TRRAP: variants seen among roughly 807,000 people sequenced by gnomAD.
TRRAP encodes transformation/transcription domain associated protein.
In TRRAP, 41 loss-of-function variants were observed where a neutral mutation model predicts 438.8. That is an observed-to-expected ratio of 0.09 (90% confidence interval 0.07 to 0.12). The LOEUF (loss-of-function observed/expected upper bound fraction) is 0.12. TRRAP is among the 10% of genes least tolerant of loss of function. TRRAP has a pLI of 1.00. For synonymous variants in TRRAP, 1,994 were observed against 1,962.9 expected, an observed-to-expected ratio of 1.02 and a Z score of -0.42; for missense variants, 3,122 against 5,055.1, an observed-to-expected ratio of 0.62 and a Z score of 11.60.
At chr7:98,981,373 G>A (rs1324113394) in intron 58 of TRRAP, among the ~76,000 whole-genome samples, 1 of 152,224 alleles carries the variant, frequency 6.6e-6, no homozygotes, top group African/African-American at 2.4e-5. Context: ...CTGCTCTGCA[G>A]GCTGGGCAAC....
In TRRAP at chr7:98,910,592, T is replaced by G; in HGVS notation, c.1797T>G (p.Ala599=). ...YIKLVKYAMQ[A]LDIYQVQIAG... ...AACTTGTGAAATATGCAATGCAAGC[T>G]TTAGATATTTATCAGGTAAGGAAGT... The change falls in exon 16 of 73, where the codon GCT becomes GCG. Residue 599 remains alanine (A), a synonymous_variant. Coordinates refer to ENST00000456197, the MANE Select transcript of TRRAP (RefSeq NM_001375524.1). The G allele has an allele frequency of 6.2e-7, 1 of 1,613,234 alleles. No homozygotes were observed. The highest frequency in any genetic ancestry group is 8.5e-7 in the Non-Finnish European group (1 of 1,179,688).
chr7:98,995,728 C>A (rs1016836406), intron 67 of TRRAP, among the ~76,000 whole-genome samples: 2 of 150,668 alleles, frequency 1.3e-5, no homozygotes, highest in Non-Finnish European at 3.0e-5. Context: ...ATCTACGCAC[C>A]CACGTCCCGT....
intron 19 of TRRAP, among the ~76,000 whole-genome samples, chr7:98,916,488 G>A (rs2116441191): frequency 6.6e-6 from 1 of 152,316 alleles, no homozygotes; most frequent in Middle Eastern, 3.4e-3. Flanking sequence ...TGAGCTCTTG[G>A]CAAGGGATTG....
At chr7:98,928,894 C>T (rs1437515993) in intron 23 of TRRAP, among the ~76,000 whole-genome samples, 1 of 151,636 alleles carries the variant, frequency 6.6e-6, no homozygotes, top group Non-Finnish European at 1.5e-5. Context: ...CTGCCTCATC[C>T]TCTTGAGTAG....
intron 22 of TRRAP, among the ~76,000 whole-genome samples, chr7:98,925,567 T>G (rs1304975966): frequency 2.6e-5 from 4 of 152,230 alleles, no homozygotes; most frequent in Non-Finnish European, 5.9e-5. Context: ...TGTCTCACCA[T>G]TCTGTCCACA....
chr7:98,988,882 G>A lies in TRRAP; in HGVS notation c.9507G>A (p.Leu3169=). 2 of 1,614,150 alleles carry A rather than the reference G, an allele frequency of 1.2e-6. No individual in the cohort carries two copies. The highest frequency in any genetic ancestry group is 1.7e-6 in the Non-Finnish European group (2 of 1,180,020). Residue 3169 remains leucine (L), a synonymous_variant, in exon 63 of 73, where the codon CTG becomes CTA. Coordinates refer to ENST00000456197, the MANE Select transcript of TRRAP (RefSeq NM_001375524.1). ...ACATCTTTGTGAAGGAGCGGCAGCT[G>A]CACCTGGGCGTGTCTGCCATCACCT... ...LENIFVKERQ[L]HLGVSAITCY...
chr7:98,897,703 TGAC>T, intron 7 of TRRAP, 35 bp from the exon 8 acceptor site: 3 of 1,591,092 alleles, frequency 1.9e-6, no homozygotes, highest in Non-Finnish European at 2.6e-6. Context: ...ATATTGGGTT[TGAC>T]TTTAGGAAAA....
chr7:98,894,579 T>G (rs979477403), intron 6 of TRRAP, among the ~76,000 whole-genome samples: 7 of 151,384 alleles, frequency 4.6e-5, no homozygotes, highest in Non-Finnish European at 7.4e-5. Context: ...CAGGATTTTA[T>G]GTCTTGGTGA....
chr7:98,966,862 C>A (rs1792181728), intron 49 of TRRAP, among the ~76,000 whole-genome samples, 179 bp from the exon 50 acceptor site: 1 of 151,972 alleles, frequency 6.6e-6, no homozygotes, highest in Admixed American at 6.5e-5. Flanking sequence ...AGTTGTAGCC[C>A]CTACGAAAAT....
At position 98,994,454 on chromosome 7, in the gene TRRAP, CTG is replaced by C; in HGVS notation, c.10048-126_10048-125del. 7.7e-7 allele frequency: 1 copy of C among 1,297,244 alleles called. No individual in the cohort carries two copies. The highest frequency in any genetic ancestry group is 1.1e-6 in the Non-Finnish European group (1 of 933,202). The allele number at this position is 1,297,244 out of a possible 1,614,324, so 80.4% of individuals were successfully genotyped here. A position where few individuals can be genotyped will look rare whatever the true frequency, so the allele number is the denominator to read the frequency against. Reference sequence around the variant, plus strand: ...CTTGCACACGCCGATTTCATGCCTGCTGTGTGTGGGTCCTGCCGGGGAGTGCA... The same window carrying C: ...CTTGCACACGCCGATTTCATGCCTGCTGTGTGGGTCCTGCCGGGGAGTGCA... On this transcript the variant is annotated intron_variant, in intron 66 of 72. Coordinates refer to ENST00000456197, the MANE Select transcript of TRRAP (RefSeq NM_001375524.1). This position sits in a 1 kb window ranked among gnomAD's most constrained non-coding sequence, Gnocchi z 4.8.
chr7:98,955,284 C>G lies in TRRAP; in HGVS notation c.5917C>G (p.Leu1973Val), dbSNP rs1435643006. 6.2e-7 allele frequency: 1 copy of G among 1,613,700 alleles called. No homozygotes were observed. Among genetic ancestry groups the G allele is most frequent in the African/African-American group, 1.3e-5 (1 of 75,052 alleles). Residue 1973 changes from leucine to valine, a missense_variant, in exon 41 of 73, where the codon CTG becomes GTG. By Grantham distance (32) the Leu-to-Val change is conservative. Coordinates refer to ENST00000456197, the MANE Select transcript of TRRAP (RefSeq NM_001375524.1). ...CCCGCAGCTGGTCCACATTCTGCAC[C>G]TGATAGTGCAACACTTCAAGGTGTG... ...TVPQLVHILH[L>V]IVQHFKVYYP...
intron 28 of TRRAP, 115 bp downstream of exon 28, chr7:98,935,790 C>T: frequency 1.4e-6 from 1 of 714,204 alleles, no homozygotes; most frequent in Non-Finnish European, 2.2e-6. Flanking sequence ...TTTTTGTAGT[C>T]TTTTTAAGAT....
In TRRAP at chr7:99,005,687, T is replaced by C. The variant is rs141545823; in HGVS notation, c.10753+339T>C. Among the ~76,000 whole-genome samples, 2 of 152,298 alleles carry C rather than the reference T, an allele frequency of 1.3e-5. No homozygotes were observed. Among genetic ancestry groups the C allele is most frequent in the African/African-American group, 4.8e-5 (2 of 41,556 alleles). ...GACATTATGAGATTTCTTTTTCTTT[T>C]TTTTTTTCTTTTTTAGCTCATCACC... On this transcript the variant is annotated intron_variant, in intron 69 of 72. Transcript: ENST00000456197. The surrounding 1 kb of genome is among the most constrained non-coding windows in gnomAD (Gnocchi z 5.1).
At position 98,890,318 on chromosome 7, in the gene TRRAP, T is replaced by C. The variant is rs1405678608; in HGVS notation, c.151-17T>C. ...ATACACATAACTGAATGGGGTCTTT[T>C]ATTTTTGCACAATTAGAATGTCACG... is the stretch of plus-strand genomic sequence containing the variant. On this transcript the variant is annotated splice_polypyrimidine_tract_variant and intron_variant, in intron 3 of 72. Coordinates refer to ENST00000456197, the MANE Select transcript of TRRAP (RefSeq NM_001375524.1). The C allele has an allele frequency of 6.7e-6, 10 of 1,486,380 alleles. No individual in the cohort carries two copies. The highest frequency in any genetic ancestry group is 7.2e-6 in the Non-Finnish European group (8 of 1,108,366). 92.1% of individuals were successfully genotyped at this position (1,486,380 alleles called of 1,614,324 possible). A position where few individuals can be genotyped will look rare whatever the true frequency, so the allele number is the denominator to read the frequency against.
At chr7:99,006,440 C>T (rs1794167239) in intron 69 of TRRAP, among the ~76,000 whole-genome samples, 1 of 152,152 alleles carries the variant, frequency 6.6e-6, no homozygotes. Context: ...TATAACATGA[C>T]CTGTAGTGTT....
intron 40 of TRRAP, among the ~76,000 whole-genome samples, chr7:98,954,672 C>T (rs1389066088): frequency 2.0e-5 from 3 of 152,248 alleles, no homozygotes; most frequent in African/African-American, 4.8e-5. Context: ...GTTCCCATGA[C>T]CTCACATCGG....
At chr7:98,935,222 A>G (rs1053522520) in intron 27 of TRRAP, among the ~76,000 whole-genome samples, 5 of 152,130 alleles carry the variant, frequency 3.3e-5, no homozygotes, top group African/African-American at 4.8e-5. Context: ...GGGGAGGCTG[A>G]TCTGAACCAG....
At chr7:98,903,693 G>C (rs937617093) in intron 12 of TRRAP, among the ~76,000 whole-genome samples, 176 bp downstream of exon 12, 8 of 152,076 alleles carry the variant, frequency 5.3e-5, no homozygotes, top group African/African-American at 1.7e-4. Context: ...CCCTGTATTA[G>C]TCTGTTTTCA....
At chr7:98,903,788 G>T (rs1554407102) in intron 12 of TRRAP, among the ~76,000 whole-genome samples, 1 of 152,130 alleles carries the variant, frequency 6.6e-6, no homozygotes, top group African/African-American at 2.4e-5. Flanking sequence ...TGGCTGGGGA[G>T]GCCTCACAGT....
Sources: allele counts gnomAD v4.1 joint callset (sites outside exome capture counted in the v4.1 genomes callset), GRCh38; gene constraint gnomAD v4.1.1; non-coding constraint Gnocchi (gnomAD v3.1); transcripts MANE v1.5; gene names NCBI Gene and HGNC (gene_info 2026-07-23, HGNC 2026-07-21).